Variants in KIAA1671 observed in about 807,000 individuals in gnomAD.
The protein encoded by KIAA1671 is uncharacterized protein KIAA1671.
A neutral mutation model predicts 131.2 loss-of-function variants in KIAA1671; 52 were observed. That is an observed-to-expected ratio of 0.40 (90% CI 0.32 to 0.50). The LOEUF is 0.50. KIAA1671 is among the 20% of genes least tolerant of loss of function. The pLI is 0.73. For synonymous variants in KIAA1671, 1,003 were observed against 961.6 expected (o/e 1.04, Z -0.80); for missense variants, 2,360 against 2,364.2 (o/e 1.00, Z 0.04).
intron 10 of KIAA1671, among the ~76,000 whole-genome samples, chr22:25,183,697 T>A (rs1315013693): frequency 6.6e-6 from 1 of 151,950 alleles, no homozygotes; most frequent in Non-Finnish European, 1.5e-5. Flanking sequence ...TAATTTTTTG[T>A]ATTTTTAGTA....
At chr22:25,093,774 C>CTG (rs1568951200) in intron 6 of KIAA1671, among the ~76,000 whole-genome samples, 16 of 104,926 alleles carry the variant, frequency 1.5e-4, no homozygotes, top group Admixed American at 1.3e-3. Flanking sequence ...CTCTGTCTCT[C>CTG]TCTCTCTCTC....
At chr22:25,126,301 C>T (rs957770525) in intron 6 of KIAA1671, among the ~76,000 whole-genome samples, 1 of 152,184 alleles carries the variant, frequency 6.6e-6, no homozygotes, top group East Asian at 1.9e-4. Flanking sequence ...GATTTAACAC[C>T]GGTAATTCCT....
intron 4 of KIAA1671, among the ~76,000 whole-genome samples, chr22:25,034,026 A>G (rs986502361): frequency 6.6e-6 from 1 of 151,800 alleles, no homozygotes; most frequent in South Asian, 2.1e-4. Context: ...CATCCCAGGC[A>G]AAAGGTTCCT....
At chr22:24,975,438 C>T (rs1922863305) in intron 1 of KIAA1671, among the ~76,000 whole-genome samples, 1 of 151,968 alleles carries the variant, frequency 6.6e-6, no homozygotes, top group Admixed American at 6.6e-5. Context: ...CCTGCTTCAG[C>T]CTCCTAAGTA....
At chr22:25,027,859 C>A in intron 2 of KIAA1671, 86 bp from the exon 3 acceptor site, 2 of 689,294 alleles carry the variant, frequency 2.9e-6, no homozygotes, top group Non-Finnish European at 4.7e-6. Context: ...GCTCAGGACT[C>A]TGTCCCATTT....
In KIAA1671 at chr22:25,093,834, G is replaced by GTCTCTCTCTCTT. The variant is rs1568951583; in HGVS notation, c.4530+44473_4530+44474insCTCTCTCTTTCT. 1.1e-3 allele frequency among the ~76,000 whole-genome samples: 18 copies of GTCTCTCTCTCTT among 16,952 alleles called. 7 individuals are homozygous for GTCTCTCTCTCTT. Among genetic ancestry groups the GTCTCTCTCTCTT allele is most frequent in the African/African-American group, 1.3e-3 (4 of 3,032 alleles). 11.1% of individuals were successfully genotyped at this position (16,952 alleles called of 152,430 possible). On this transcript the variant is annotated intron_variant, in intron 6 of 12. Transcript: ENST00000358431. ...TCTGTCTCTCTCTCTTTCTCTCTCT[G>GTCTCTCTCTCTT]TCTGTCTCTCTCTCTCTCTCTCTCT...
chr22:25,039,246 C>T lies in KIAA1671; in HGVS notation c.2116C>T (p.Pro706Ser), dbSNP rs1926782557. 6.4e-7 allele frequency: 1 copy of T among 1,552,188 alleles called. No individual in the cohort carries two copies. The highest frequency in any genetic ancestry group is 1.4e-5 in the African/African-American group (1 of 73,062). Reference sequence around the variant, plus strand: ...TCACACGCCTCTCCGGGACAAATACCCTTTGTCTGAAAACCACAATAATAA... The same window carrying T: ...TCACACGCCTCTCCGGGACAAATACTCTTTGTCTGAAAACCACAATAATAA... ...PYHTPLRDKY[P>S]LSENHNNNTF... is the part of the protein sequence containing the mutation. The change falls in exon 5 of 13, where the codon CCT (proline) becomes TCT (serine). Residue 706 changes from proline (P) to serine (S), a missense_variant. Physicochemically the swap from Pro to Ser is moderately conservative, Grantham distance 74 (BLOSUM62 -1). Transcript: ENST00000358431.
At chr22:25,090,283 C>T (rs573116945) in intron 6 of KIAA1671, among the ~76,000 whole-genome samples, 42 of 152,362 alleles carry the variant, frequency 2.8e-4, no homozygotes, top group African/African-American at 9.4e-4. Context: ...GTTCCAGTCT[C>T]ACCCTGCACG....
intron 1 of KIAA1671, among the ~76,000 whole-genome samples, chr22:25,006,866 A>G (rs1924775975): frequency 6.6e-6 from 1 of 152,188 alleles, no homozygotes; most frequent in Non-Finnish European, 1.5e-5. Flanking sequence ...CATTGGGCTC[A>G]GAGAATCCAG....
intron 6 of KIAA1671, among the ~76,000 whole-genome samples, chr22:25,126,597 A>T (rs1932195204): frequency 6.6e-6 from 1 of 152,206 alleles, no homozygotes; most frequent in African/African-American, 2.4e-5. Context: ...TTCATGGAGG[A>T]GTTCCTGAGC....
chr22:25,118,266 C>G (rs915988240), intron 6 of KIAA1671, among the ~76,000 whole-genome samples: 26 of 152,118 alleles, frequency 1.7e-4, no homozygotes, highest in African/African-American at 6.3e-4. Flanking sequence ...GGCCACATCA[C>G]CCCAATCTCT....
chr22:24,971,895 A>G (rs779025711), intron 1 of KIAA1671, among the ~76,000 whole-genome samples: 14 of 152,274 alleles, frequency 9.2e-5, no homozygotes, highest in East Asian at 1.9e-4. Flanking sequence ...CAAAGGGAGC[A>G]TGAACTTGGG....
At chr22:24,974,444 T>C (rs1922803294) in intron 1 of KIAA1671, among the ~76,000 whole-genome samples, 1 of 152,008 alleles carries the variant, frequency 6.6e-6, no homozygotes, top group Non-Finnish European at 1.5e-5. Flanking sequence ...TGGAGAGAGC[T>C]TAAGTCATTA....
chr22:25,117,000 G>A (rs1357129429), intron 6 of KIAA1671, among the ~76,000 whole-genome samples: 1 of 152,160 alleles, frequency 6.6e-6, no homozygotes, highest in Admixed American at 6.5e-5. Flanking sequence ...ATGGCTGTGG[G>A]GGGTAAGGGG....
rs113708745 is a variant in KIAA1671, at chr22:25,157,825, AT to A, written c.4531-12984del. On this transcript the variant is annotated intron_variant, in intron 6 of 12. Coordinates refer to ENST00000358431, the MANE Select transcript of KIAA1671 (RefSeq NM_001145206.2). ...GTTTTTTTTTTTTCCTGTTCTTTTTATTTTTTTTTTTATTCAGATGGAGTCT... is the reference window on the plus strand; with the variant it reads ...GTTTTTTTTTTTTCCTGTTCTTTTTATTTTTTTTTTATTCAGATGGAGTCT... 9.6e-3 allele frequency among the ~76,000 whole-genome samples: 1,327 copies of A among 138,176 alleles called. 17 individuals carry two copies. Among genetic ancestry groups the A allele is most frequent in the African/African-American group, 0.032 (1,236 of 38,070 alleles). The allele number at this position is 138,176 out of a possible 152,430, so 90.6% of individuals were successfully genotyped here.
At position 25,039,592 on chromosome 22, in the gene KIAA1671, A is replaced by G. The variant is rs1487128893; in HGVS notation, c.2462A>G (p.Lys821Arg). 11 of 1,551,636 alleles carry G rather than the reference A, an allele frequency of 7.1e-6. No individual in the cohort carries two copies. Among genetic ancestry groups the G allele is most frequent in the African/African-American group, 5.5e-5 (4 of 73,068 alleles). Residue 821 changes from lysine (K) to arginine (R), a missense_variant, in exon 5 of 13, where the codon AAA becomes AGA. Around this residue, in one of 3 missense-constraint regions of KIAA1671, gnomAD observed 1,185 missense variants for 1,126.2 expected, o/e 1.05. Coordinates refer to ENST00000358431, the MANE Select transcript of KIAA1671 (RefSeq NM_001145206.2). The part of the protein sequence containing the change: ...PKFGGNCPFP[K>R]WTGGAVVSSH... ...TTTGGGGGCAATTGCCCGTTTCCCA[A>G]ATGGACAGGCGGGGCAGTGGTGAGC...
rs73401808 is a variant in KIAA1671, at chr22:25,118,355, A to G, written c.4531-52465A>G. ...CTGGTAAGGACACTTGTCCCTGAAC[A>G]TGGGAGCCTCCTGGATTACCTAGGA... On this transcript the variant is annotated intron_variant, in intron 6 of 12. Transcript: ENST00000358431. Among the ~76,000 whole-genome samples, 549 of 152,102 alleles carry G rather than the reference A, an allele frequency of 3.6e-3. 5 individuals are homozygous for G. Among genetic ancestry groups the G allele is most frequent in the African/African-American group, 0.012 (505 of 41,496 alleles).
intron 1 of KIAA1671, chr22:25,010,965 C>A (rs1043820026): frequency 2.0e-5 from 3 of 152,130 alleles, no homozygotes; most frequent in Non-Finnish European, 4.4e-5. Context: ...AGAGGCAGCA[C>A]CACAAGCTGC....
At position 25,018,382 on chromosome 22, in the gene KIAA1671, C is replaced by CT. The variant is rs1199522807; in HGVS notation, c.-207-7240dup. Among the ~76,000 whole-genome samples, 587 of 144,972 alleles carry CT rather than the reference C, an allele frequency of 4.0e-3. 3 individuals are homozygous for CT. Among genetic ancestry groups the CT allele is most frequent in the South Asian group, 5.9e-3 (27 of 4,600 alleles). The stretch of plus-strand genomic sequence containing the variant: ...TTTTTTAGTTGTTTGTAGGTTTTTG[C>CT]TTTTTTTTTTTAATTGCAGTAAAAT... On this transcript the variant is annotated intron_variant, in intron 1 of 12. Transcript: ENST00000358431.
Sources: allele counts gnomAD v4.1 joint callset (sites outside exome capture counted in the v4.1 genomes callset), GRCh38; gene constraint gnomAD v4.1.1; regional missense constraint gnomAD v4.1.1; transcripts MANE v1.5; gene names NCBI Gene and HGNC (gene_info 2026-07-23, HGNC 2026-07-21).